LINGO2: variants seen among roughly 807,000 people sequenced by gnomAD.
LINGO2 encodes the protein leucine rich repeat and Ig domain containing 2, also known as leucine-rich repeat and immunoglobulin-like domain-containing nogo receptor-interacting protein 2.
LINGO2 carries 14 observed loss-of-function variants against 30.6 expected under a neutral mutation model. The observed-to-expected ratio is 0.46, with a 90% CI of 0.30 to 0.72. LINGO2 has a LOEUF of 0.72. Ranked by LOEUF, LINGO2 falls within the 30% of genes least tolerant of loss-of-function variation. The pLI is 0.07. For synonymous variants in LINGO2, 317 were observed against 288.5 expected (o/e 1.10, Z -1.00); for missense variants, 729 against 751.7 (o/e 0.97, Z 0.35).
chr9:28,172,385 C>T (rs1297646264), intron 4 of LINGO2, among the ~76,000 whole-genome samples: 2 of 145,996 alleles, frequency 1.4e-5, no homozygotes, highest in South Asian at 2.2e-4. Flanking sequence ...AGCGAGACTC[C>T]GTCTCAAAAA....
chr9:28,850,502 C>T, the LINGO2 span, among the ~76,000 whole-genome samples: 2 of 152,058 alleles, frequency 1.3e-5, no homozygotes, highest in South Asian at 2.1e-4. Context: ...CATGTAACTG[C>T]TTCTGGTCCA....
chr9:28,083,687 C>G (rs1291650107), intron 4 of LINGO2, among the ~76,000 whole-genome samples: 1 of 152,140 alleles, frequency 6.6e-6, no homozygotes, highest in Non-Finnish European at 1.5e-5. Flanking sequence ...GAGTGTCTTT[C>G]TTTCTCAACT....
At chr9:28,482,599 C>G (rs1179741715) in intron 1 of LINGO2, among the ~76,000 whole-genome samples, 2 of 152,190 alleles carry the variant, frequency 1.3e-5, no homozygotes, top group East Asian at 3.9e-4. Flanking sequence ...ATGGTAGTTT[C>G]TTTTGCTGTG....
At chr9:28,616,888 CAA>C (rs1241169493) in intron 1 of LINGO2, among the ~76,000 whole-genome samples, 2 of 152,156 alleles carry the variant, frequency 1.3e-5, no homozygotes, top group Admixed American at 6.5e-5. Flanking sequence ...AAAGCACATC[CAA>C]AAGACTCTTT....
At chr9:28,519,085 T>C (rs1255946085) in intron 1 of LINGO2, among the ~76,000 whole-genome samples, 1 of 152,118 alleles carries the variant, frequency 6.6e-6, no homozygotes, top group African/African-American at 2.4e-5. Flanking sequence ...CAGGCTGGAG[T>C]GCGGTGGTAT....
the LINGO2 span, among the ~76,000 whole-genome samples, chr9:29,158,953 A>G: frequency 6.6e-6 from 1 of 152,144 alleles, no homozygotes; most frequent in Non-Finnish European, 1.5e-5. Flanking sequence ...TATGAAAGAG[A>G]AGCCTTCATA....
chr9:29,028,864 A>G, the LINGO2 span, among the ~76,000 whole-genome samples: 1 of 152,218 alleles, frequency 6.6e-6, no homozygotes, highest in Non-Finnish European at 1.5e-5. Context: ...AGATTAGCCA[A>G]GCTTGGTTCA....
At chr9:29,060,519 A>C in the LINGO2 span, among the ~76,000 whole-genome samples, 3 of 152,188 alleles carry the variant, frequency 2.0e-5, no homozygotes, top group South Asian at 6.2e-4. Flanking sequence ...TCCAAGACAC[A>C]ATCCAAATTT....
At chr9:28,925,987 T>C in the LINGO2 span, among the ~76,000 whole-genome samples, 1 of 152,190 alleles carries the variant, frequency 6.6e-6, no homozygotes, top group Non-Finnish European at 1.5e-5. Context: ...TTCTCTGCAG[T>C]GTCCAACCTT....
At chr9:28,192,685 T>A (rs1248909885) in intron 4 of LINGO2, among the ~76,000 whole-genome samples, 1 of 152,144 alleles carries the variant, frequency 6.6e-6, no homozygotes, top group Admixed American at 6.5e-5. Flanking sequence ...CGGGTCATAA[T>A]TTTTTTATCA....
chr9:28,828,411 T>C, the LINGO2 span, among the ~76,000 whole-genome samples: 1 of 152,136 alleles, frequency 6.6e-6, no homozygotes, highest in Non-Finnish European at 1.5e-5. Context: ...AAAAACTGGT[T>C]TAAAAATAGT....
the LINGO2 span, among the ~76,000 whole-genome samples, chr9:29,194,277 T>A: frequency 3.9e-5 from 6 of 152,114 alleles, no homozygotes; most frequent in Non-Finnish European, 5.9e-5. Context: ...ATGTTTATTG[T>A]CCAAATAAAC....
chr9:28,306,600 G>A (rs542558082), intron 3 of LINGO2, among the ~76,000 whole-genome samples: 26 of 152,168 alleles, frequency 1.7e-4, no homozygotes, highest in African/African-American at 6.0e-4. Context: ...GAAGGAAATA[G>A]AGACACAAAA....
At chr9:27,946,483 CTTTTA>C (rs1345874319), downstream of LINGO2, among the ~76,000 whole-genome samples, 3 of 152,068 alleles carry the variant, frequency 2.0e-5, no homozygotes, top group African/African-American at 4.8e-5. Context: ...TTTTGGCCAA[CTTTTA>C]TTTTGACAAA....
chr9:28,587,855 G>A lies in LINGO2; in HGVS notation c.-365+82345C>T, dbSNP rs190019513. 2.6e-5 allele frequency among the ~76,000 whole-genome samples: 4 copies of A among 152,036 alleles called. No individual in the cohort carries two copies. In the East Asian group the frequency reaches 7.8e-4, roughly 30 times the overall value. On this transcript the variant is annotated intron_variant, in intron 1 of 5. Coordinates refer to ENST00000379992, the Ensembl canonical transcript of LINGO2. ...AACCCTAACAGATTCTAGCTCTGAA[G>A]GGCATAAAGGACAAGAACATTTTTG...
chr9:28,245,094 A>C (rs1289671317), intron 4 of LINGO2, among the ~76,000 whole-genome samples: 1 of 152,172 alleles, frequency 6.6e-6, no homozygotes, highest in Non-Finnish European at 1.5e-5. Context: ...CCACATCAAA[A>C]AGTTTATCCA....
the LINGO2 span, among the ~76,000 whole-genome samples, chr9:29,204,073 C>T: frequency 6.6e-6 from 1 of 152,032 alleles, no homozygotes; most frequent in Non-Finnish European, 1.5e-5. Flanking sequence ...TAGAAGAATG[C>T]AGATGATGAT....
the LINGO2 span, among the ~76,000 whole-genome samples, chr9:29,034,410 C>T: frequency 6.6e-6 from 1 of 152,022 alleles, no homozygotes; most frequent in Non-Finnish European, 1.5e-5. Flanking sequence ...TCAAGCTTTA[C>T]ACTAACATAT....
the LINGO2 span, among the ~76,000 whole-genome samples, chr9:29,097,913 A>G: frequency 1.9e-5 from 2 of 105,546 alleles, 1 homozygote. Flanking sequence ...CCTGTATCAT[A>G]ACAATTATAA....
Sources: gnomAD v4.1 joint callset for allele counts (sites outside exome capture counted in the v4.1 genomes callset) on GRCh38, gnomAD v4.1.1 for gene constraint, MANE v1.5 for transcripts, NCBI Gene and HGNC (gene_info 2026-07-23, HGNC 2026-07-21) for gene names.